The following PSD3 variants were observed in gnomAD, a reference collection of about 807,000 sequenced individuals.
PSD3 encodes pleckstrin and Sec7 domain containing 3.
A neutral mutation model predicts 105.5 loss-of-function variants in PSD3; 49 were observed. The ratio of observed to expected loss-of-function variants is 0.46; its 90% CI spans 0.37 to 0.59. PSD3 has a LOEUF of 0.59. PSD3 is among the 20% of genes least tolerant of loss of function. PSD3 has a pLI of 0.00. For missense variants in PSD3, 1,561 were observed against 1,263.8 expected (o/e 1.24, Z -3.57); for synonymous variants, 557 against 457.8 (o/e 1.22, Z -2.77).
intron 1 of PSD3, among the ~76,000 whole-genome samples, chr8:18,966,386 A>G (rs972749629): frequency 6.6e-6 from 1 of 152,034 alleles, no homozygotes; most frequent in Admixed American, 6.6e-5. Flanking sequence ...CCTGGCCAAC[A>G]CTGCGAAATC....
At chr8:18,629,447 A>G (rs1394035977) in intron 11 of PSD3, among the ~76,000 whole-genome samples, 1 of 152,042 alleles carries the variant, frequency 6.6e-6, no homozygotes, top group East Asian at 1.9e-4. Flanking sequence ...AAAACTGGAA[A>G]CAACCAGAAT....
At chr8:18,691,757 G>A (rs2130995962) in intron 9 of PSD3, among the ~76,000 whole-genome samples, 1 of 152,164 alleles carries the variant, frequency 6.6e-6, no homozygotes, top group Admixed American at 6.5e-5. Context: ...CCTAATACAT[G>A]CCAATCATTG....
intron 1 of PSD3, among the ~76,000 whole-genome samples, chr8:18,947,321 G>C (rs1010391301): frequency 2.6e-5 from 4 of 152,150 alleles, no homozygotes; most frequent in African/African-American, 4.8e-5. Flanking sequence ...AGCAAGCCTC[G>C]GTCCTCACCC....
intron 9 of PSD3, among the ~76,000 whole-genome samples, chr8:18,724,579 T>G (rs549506043): frequency 1.3e-3 from 190 of 151,648 alleles, no homozygotes; most frequent in African/African-American, 4.4e-3. Context: ...TCCATTGTAC[T>G]CCAGCCTGGG....
At chr8:18,724,559 C>T (rs1356366977) in intron 9 of PSD3, among the ~76,000 whole-genome samples, 1 of 151,964 alleles carries the variant, frequency 6.6e-6, no homozygotes, top group East Asian at 1.9e-4. Flanking sequence ...CTGCAGTGAG[C>T]TATGATCACT....
chr8:19,072,339 G>A lies in PSD3; in HGVS notation c.324+11867C>T, dbSNP rs371964609. On this transcript the variant is annotated intron_variant, in intron 1 of 1. Transcript: ENST00000521475. ...TGAGCTCACGTGATCCGCCCACCTC[G>A]GCCTCCCAAAGTGCTGGGATTATAG... 2.6e-5 allele frequency among the ~76,000 whole-genome samples: 4 copies of A among 152,082 alleles called. 1 individual carries two copies. The highest frequency in any genetic ancestry group is 7.2e-5 in the African/African-American group (3 of 41,504).
At chr8:18,547,521 C>T (rs572828232) in intron 15 of PSD3, among the ~76,000 whole-genome samples, 2 of 152,260 alleles carry the variant, frequency 1.3e-5, no homozygotes, top group African/African-American at 4.8e-5. Flanking sequence ...AGGCAGGGTG[C>T]CCCATCACCC....
chr8:18,728,096 G>C (rs1254375833), intron 9 of PSD3, among the ~76,000 whole-genome samples: 4 of 151,992 alleles, frequency 2.6e-5, no homozygotes, highest in Non-Finnish European at 4.4e-5. Flanking sequence ...AAGTAGAAGA[G>C]AGAGTGTTAA....
chr8:19,053,860 A>G (rs762695117), intron 1 of PSD3, among the ~76,000 whole-genome samples: 6 of 152,376 alleles, frequency 3.9e-5, no homozygotes, highest in Non-Finnish European at 7.3e-5. Flanking sequence ...AAGGCACTCA[A>G]TAATTATTTG....
At chr8:18,994,681 T>G (rs749944191) in intron 1 of PSD3, among the ~76,000 whole-genome samples, 3 of 152,030 alleles carry the variant, frequency 2.0e-5, no homozygotes, top group Non-Finnish European at 2.9e-5. Flanking sequence ...TAAAATATAT[T>G]ACCTACATTA....
chr8:18,883,402 C>T (rs17127385), intron 2 of PSD3, among the ~76,000 whole-genome samples: 26,247 of 152,038 alleles, frequency 0.17, 2,961 homozygotes, highest in African/African-American at 0.29. Context: ...CAAGTAACCC[C>T]GGTCCCTTTC....
At chr8:19,068,228 C>G (rs1450590713) in intron 1 of PSD3, among the ~76,000 whole-genome samples, 1 of 136,032 alleles carries the variant, frequency 7.4e-6, no homozygotes, top group Non-Finnish European at 1.7e-5. Flanking sequence ...GAAGCTAAGG[C>G]TGAGGATTTT....
intron 4 of PSD3, among the ~76,000 whole-genome samples, chr8:18,829,193 T>C (rs568053233): frequency 2.0e-5 from 3 of 152,274 alleles, no homozygotes; most frequent in Non-Finnish European, 2.9e-5. Context: ...TAAGCTGTGA[T>C]CATGCCACTG....
rs565442749 is a variant in PSD3, at chr8:18,782,068, C to T, written c.2083-16530G>A. Among the ~76,000 whole-genome samples the T allele has an allele frequency of 3.9e-5, 6 of 152,196 alleles. No homozygotes were observed. In the South Asian group the frequency reaches 1.2e-3, roughly 32 times the overall value. On this transcript the variant is annotated intron_variant, in intron 8 of 15. Coordinates refer to ENST00000327040, the MANE Select transcript of PSD3 (RefSeq NM_015310.4). ...TTTCTGACATCTTTGTTGAATTTCT[C>T]ATACAGATGGTGAAATGTTTCTTTG...
intron 1 of PSD3, among the ~76,000 whole-genome samples, chr8:19,070,225 T>C (rs1829207424): frequency 6.6e-6 from 1 of 152,092 alleles, no homozygotes; most frequent in African/African-American, 2.4e-5. Flanking sequence ...ATAGCATTCG[T>C]TTTTAATGTG....
intron 12 of PSD3, among the ~76,000 whole-genome samples, chr8:18,578,065 G>A (rs1035325944): frequency 3.3e-5 from 5 of 152,154 alleles, no homozygotes; most frequent in Middle Eastern, 3.4e-3. Flanking sequence ...GTCTGGAGAT[G>A]CTATTCTACC....
chr8:18,793,280 C>T (rs752019980), intron 8 of PSD3, among the ~76,000 whole-genome samples: 5 of 151,506 alleles, frequency 3.3e-5, no homozygotes, highest in Non-Finnish European at 7.4e-5. Flanking sequence ...ATGTAACAAA[C>T]CTGCACGTTG....
At chr8:19,072,190 C>A (rs1179999243) in intron 1 of PSD3, among the ~76,000 whole-genome samples, 1 of 151,880 alleles carries the variant, frequency 6.6e-6, no homozygotes, top group Non-Finnish European at 1.5e-5. Context: ...CAGCCTCCAC[C>A]TCCTGGGTTC....
intron 12 of PSD3, among the ~76,000 whole-genome samples, chr8:18,593,147 T>C (rs1291653270): frequency 6.6e-6 from 1 of 152,046 alleles, no homozygotes; most frequent in East Asian, 1.9e-4. Flanking sequence ...CTAAAGAGCT[T>C]CTGCACAGCA....
Sources: gnomAD v4.1 joint callset for allele counts (sites outside exome capture counted in the v4.1 genomes callset) on GRCh38, gnomAD v4.1.1 for gene constraint, MANE v1.5 for transcripts, NCBI Gene and HGNC (gene_info 2026-07-23, HGNC 2026-07-21) for gene names.